CLCA4: variants seen among roughly 807,000 people sequenced by gnomAD.
The protein encoded by CLCA4 is calcium-activated chloride channel regulator 4.
A neutral mutation model predicts 78.9 loss-of-function variants in CLCA4; 69 were observed. That is an observed-to-expected ratio of 0.87 (90% CI 0.72 to 1.07). The LOEUF is 1.07. Ranked by LOEUF, CLCA4 falls within the 50% of genes least tolerant of loss-of-function variation. The pLI, the probability that CLCA4 is intolerant of heterozygous loss-of-function variation, is 0.00. For missense variants in CLCA4, 1,133 were observed against 1,095.8 expected (o/e 1.03, Z -0.48); for synonymous variants, 362 against 375.8 (o/e 0.96, Z 0.42).
intron 4 of CLCA4, 36 bp downstream of exon 4, chr1:86,563,805 C>A (rs1195613821): frequency 8.8e-7 from 1 of 1,137,836 alleles, no homozygotes; most frequent in Non-Finnish European, 1.3e-6. Flanking sequence ...TGACTTCAGG[C>A]TTTTATCCAT....
chr1:86,576,604 G>C (rs2101818626), intron 11 of CLCA4, among the ~76,000 whole-genome samples: 1 of 152,180 alleles, frequency 6.6e-6, no homozygotes, highest in Non-Finnish European at 1.5e-5. Flanking sequence ...CTAGAGAGAG[G>C]GTGAAGCACA....
At chr1:86,566,737 A>T (rs1650200640) in intron 6 of CLCA4, among the ~76,000 whole-genome samples, 1 of 151,992 alleles carries the variant, frequency 6.6e-6, no homozygotes, top group South Asian at 2.1e-4. Context: ...ATTGGCGGGG[A>T]GTAACACAGA....
chr1:86,565,625 C>T (rs2231589), intron 5 of CLCA4, among the ~76,000 whole-genome samples, 174 bp downstream of exon 5: 3,869 of 152,030 alleles, frequency 0.025, 77 homozygotes, highest in South Asian at 0.065. Flanking sequence ...TCTATTATTA[C>T]GTTACCATAA....
chr1:86,571,351 C>T, intron 8 of CLCA4, 97 bp downstream of exon 8: 1 of 1,243,956 alleles, frequency 8.0e-7, no homozygotes, highest in Non-Finnish European at 1.1e-6. Flanking sequence ...GCCTTGGAGG[C>T]ACTGAAGCTG....
At position 86,565,974 on chromosome 1, in the gene CLCA4, G is replaced by A; in HGVS notation, c.908G>A (p.Ser303Asn). ...PPPVFSLLKI[S>N]QRIVCLVLDK... ...CCTGTCTTCTCATTGCTGAAGATCA[G>A]TCAAAGAATTGTGTGCTTAGTTCTT... The change falls in exon 6 of 14, where the codon AGT becomes AAT. Residue 303 changes from serine (S) to asparagine (N), a missense_variant. Physicochemically the swap from Ser to Asn is conservative, Grantham distance 46 (BLOSUM62 1). Coordinates refer to ENST00000370563, the MANE Select transcript of CLCA4 (RefSeq NM_012128.4). The A allele has an allele frequency of 6.2e-7, 1 of 1,613,158 alleles. No individual in the cohort carries two copies. Among genetic ancestry groups the A allele is most frequent in the Non-Finnish European group, 8.5e-7 (1 of 1,179,278 alleles).
At chr1:86,575,913 A>G (rs962313208) in intron 11 of CLCA4, among the ~76,000 whole-genome samples, 4 of 151,992 alleles carry the variant, frequency 2.6e-5, no homozygotes, top group African/African-American at 9.7e-5. Flanking sequence ...AAACATGGTG[A>G]AACCCCTTTT....
At chr1:86,572,925 A>G in intron 9 of CLCA4, 1 of 555,434 alleles carries the variant, frequency 1.8e-6, no homozygotes, top group Non-Finnish European at 3.2e-6. Context: ...AACAGCAGAC[A>G]TACTGTTTCT....
chr1:86,559,474 C>T (rs1649949152), intron 1 of CLCA4, among the ~76,000 whole-genome samples: 2 of 152,094 alleles, frequency 1.3e-5, no homozygotes, highest in African/African-American at 4.8e-5. Flanking sequence ...TTTAAGATTG[C>T]CTGTTTGTAG....
rs1314052983 is a variant in CLCA4 at position 86,580,246 on chromosome 1, T to C, written c.2661T>C (p.Pro887=). Residue 887 remains proline, a synonymous_variant, in exon 14 of 14, where the codon CCT becomes CCC. Transcript: ENST00000370563. ...PTPTPTPTPT[P]DKSHNSGVNI... ...CTACTCCTACTCCTACTCCTACTCC[T>C]GATAAAAGTCATAATTCTGGAGTTA... The C allele has an allele frequency of 1.2e-6, 2 of 1,610,268 alleles. No individual in the cohort carries two copies. Among genetic ancestry groups the C allele is most frequent in the Non-Finnish European group, 1.7e-6 (2 of 1,178,072 alleles).
intron 1 of CLCA4, among the ~76,000 whole-genome samples, chr1:86,558,074 T>C (rs1414346644): frequency 6.6e-6 from 1 of 152,294 alleles, no homozygotes; most frequent in Non-Finnish European, 1.5e-5. Flanking sequence ...TTTGAGCCTA[T>C]GGGTGTCATT....
At chr1:86,571,360 T>C in intron 8 of CLCA4, 106 bp downstream of exon 8, 1 of 1,113,036 alleles carries the variant, frequency 9.0e-7, no homozygotes, top group Non-Finnish European at 1.3e-6. Context: ...GCACTGAAGC[T>C]GGGGACCAGA....
chr1:86,567,737 C>T, intron 7 of CLCA4, 86 bp downstream of exon 7: 1 of 1,066,330 alleles, frequency 9.4e-7, no homozygotes. Flanking sequence ...TGCTTGCTTG[C>T]TGCCTAATTT....
chr1:86,576,338 T>A (rs910333481), intron 11 of CLCA4, among the ~76,000 whole-genome samples: 1 of 151,670 alleles, frequency 6.6e-6, no homozygotes, highest in Non-Finnish European at 1.5e-5. Flanking sequence ...AATCTTTAAA[T>A]TTTTTTTGTA....
Position 86,580,496 on chromosome 1 carries a change from A to G in CLCA4, c.*151A>G. 1 of 518,618 alleles carries G rather than the reference A, an allele frequency of 1.9e-6. No individual in the cohort carries two copies. Among genetic ancestry groups the G allele is most frequent in the South Asian group, 6.8e-5 (1 of 14,676 alleles). The allele number at this position is 518,618 out of a possible 1,614,324, so 32.1% of individuals were successfully genotyped here. A position where few individuals can be genotyped will look rare whatever the true frequency, so the allele number is the denominator to read the frequency against. ...TAATTTTAAGATGTCGGAAAAGGAT[A>G]CTTTGATTAAATAAAAACACTCATG... On this transcript the variant is annotated 3_prime_UTR_variant, in exon 14 of 14. Transcript: ENST00000370563.
intron 3 of CLCA4, among the ~76,000 whole-genome samples, chr1:86,562,161 CAAT>C (rs1650041984): frequency 6.6e-6 from 1 of 152,074 alleles, no homozygotes; most frequent in East Asian, 1.9e-4. Flanking sequence ...GGAAATGAGA[CAAT>C]GATGTAGACA....
At chr1:86,552,368 G>A (rs1274403256) in intron 1 of CLCA4, among the ~76,000 whole-genome samples, 1 of 152,210 alleles carries the variant, frequency 6.6e-6, no homozygotes, top group Non-Finnish European at 1.5e-5. Context: ...CTGTAAGGAC[G>A]TCAGGACCGG....
intron 4 of CLCA4, among the ~76,000 whole-genome samples, chr1:86,564,371 A>T (rs1022135027): frequency 2.6e-5 from 4 of 152,118 alleles, no homozygotes; most frequent in Non-Finnish European, 5.9e-5. Context: ...AAGGTATATG[A>T]TTTCAATCAA....
At chr1:86,558,406 G>A (rs1360167288) in intron 1 of CLCA4, among the ~76,000 whole-genome samples, 2 of 152,114 alleles carry the variant, frequency 1.3e-5, no homozygotes, top group Non-Finnish European at 2.9e-5. Flanking sequence ...TGGTGGTAAT[G>A]AATTTCCTTT....
Position 86,580,447 on chromosome 1 carries a change from T to A in CLCA4, c.*102T>A. ...TTTCTGAATCTTAAAATTCATCCCATGTGTGATCATAAACTCATAAAAATA... is the reference window on the plus strand; with the variant it reads ...TTTCTGAATCTTAAAATTCATCCCAAGTGTGATCATAAACTCATAAAAATA... On this transcript the variant is annotated 3_prime_UTR_variant, in exon 14 of 14. Transcript: ENST00000370563. 1 of 892,120 alleles carries A rather than the reference T, an allele frequency of 1.1e-6. No homozygotes were observed. The allele number at this position is 892,120 out of a possible 1,614,324, so 55.3% of individuals were successfully genotyped here.
Sources: allele counts gnomAD v4.1 joint callset (sites outside exome capture counted in the v4.1 genomes callset), GRCh38; gene constraint gnomAD v4.1.1; transcripts MANE v1.5; gene names NCBI Gene and HGNC (gene_info 2026-07-23, HGNC 2026-07-21).